Variants in KIRREL3 observed in about 807,000 individuals in gnomAD.
The protein encoded by KIRREL3 is kirre like nephrin family adhesion molecule 3.
A neutral mutation model predicts 89.7 loss-of-function variants in KIRREL3; 36 were observed. That is an observed-to-expected ratio of 0.40 (90% CI 0.31 to 0.53). The LOEUF (loss-of-function observed/expected upper bound fraction) is 0.53, where lower values mean the gene tolerates loss of function less well. KIRREL3 is among the 20% of genes least tolerant of loss of function. The probability of loss-of-function intolerance (pLI) is 0.49; values close to 1 mark genes in which losing one functional copy is unlikely to be tolerated. For missense variants in KIRREL3, 864 were observed against 1,056.6 expected (o/e 0.82, Z 2.53); for synonymous variants, 445 against 441.4 (o/e 1.01, Z -0.10).
Position 126,526,435 on chromosome 11 carries a change from G to A in KIRREL3, c.283+103C>T, listed in dbSNP as rs578236779. ...GAGTTGCAGTGAAAGCTAGAGATTC[G>A]ATACTCAGACACCTGTGAAGATGGG... On this transcript the variant is annotated intron_variant, in intron 3 of 16. Coordinates refer to ENST00000525144, the MANE Select transcript of KIRREL3 (RefSeq NM_032531.4). This position sits in a 1 kb window ranked among gnomAD's most constrained non-coding sequence, Gnocchi z 5.7. 5.2e-6 allele frequency: 6 copies of A among 1,153,002 alleles called. No homozygotes were observed. Among genetic ancestry groups the A allele is most frequent in the Non-Finnish European group, 7.4e-6 (6 of 814,396 alleles). 71.4% of individuals were successfully genotyped at this position (1,153,002 alleles called of 1,614,324 possible).
chr11:126,811,309 G>C lies in KIRREL3; in HGVS notation c.55+189146C>G, dbSNP rs765859945. On this transcript the variant is annotated intron_variant, in intron 1 of 16. Coordinates refer to ENST00000525144, the MANE Select transcript of KIRREL3 (RefSeq NM_032531.4). This position sits in a 1 kb window ranked among gnomAD's most constrained non-coding sequence, Gnocchi z 4.3. The stretch of plus-strand genomic sequence containing the variant: ...TCAGAGAGAACTTTGACCCAGAACC[G>C]AGTGACTGTTATGGAGCTACGAGGT... 6.6e-6 allele frequency among the ~76,000 whole-genome samples: 1 copy of C among 152,114 alleles called. No homozygotes were observed. The highest frequency in any genetic ancestry group is 1.5e-5 in the Non-Finnish European group (1 of 68,024).
chr11:126,585,811 T>C (rs1235302555), intron 1 of KIRREL3, among the ~76,000 whole-genome samples: 3 of 152,368 alleles, frequency 2.0e-5, no homozygotes, highest in Admixed American at 1.3e-4. Context: ...ACTCCATCAA[T>C]GTAAACGACC....
At chr11:126,654,230 A>G (rs1329644309) in intron 1 of KIRREL3, among the ~76,000 whole-genome samples, 1 of 152,186 alleles carries the variant, frequency 6.6e-6, no homozygotes, top group East Asian at 1.9e-4. Flanking sequence ...TTTTATTGCT[A>G]GAAGTTGCTA....
Position 126,555,762 on chromosome 11 carries a change from A to G in KIRREL3, c.133+7073T>C, listed in dbSNP as rs1464844145. 1.4e-5 allele frequency among the ~76,000 whole-genome samples: 2 copies of G among 145,418 alleles called. No individual in the cohort carries two copies. The highest frequency in any genetic ancestry group is 4.1e-4 in the East Asian group (2 of 4,920). ...TGTGAGCATTTTTTTTTTTTTTGAG[A>G]CGGAGTCTCCCTCTATCACTCAGGC... On this transcript the variant is annotated intron_variant, in intron 2 of 16. Transcript: ENST00000525144. The surrounding 1 kb of genome is among the most constrained non-coding windows in gnomAD (Gnocchi z 4.2).
At chr11:126,634,910 A>T (rs1461719528) in intron 1 of KIRREL3, among the ~76,000 whole-genome samples, 1 of 152,022 alleles carries the variant, frequency 6.6e-6, no homozygotes, top group Non-Finnish European at 1.5e-5. Flanking sequence ...TGCACTAGGG[A>T]AGTGTGGAGG....
At chr11:126,707,596 G>A (rs1345276127) in intron 1 of KIRREL3, among the ~76,000 whole-genome samples, 1 of 152,156 alleles carries the variant, frequency 6.6e-6, no homozygotes. Context: ...TTTCCAGTCT[G>A]CATTTCCTCT....
chr11:126,559,357 G>A (rs2134571901), intron 2 of KIRREL3, among the ~76,000 whole-genome samples: 1 of 152,300 alleles, frequency 6.6e-6, no homozygotes, highest in South Asian at 2.1e-4. Context: ...TGAAAGTTGA[G>A]CGACTACTCC....
chr11:126,716,037 G>A (rs1018176843), intron 1 of KIRREL3, among the ~76,000 whole-genome samples: 5 of 152,040 alleles, frequency 3.3e-5, no homozygotes, highest in African/African-American at 1.2e-4. Context: ...GGGAAAAGAG[G>A]CAGACAGGGA....
At chr11:126,735,417 C>T (rs907583530) in intron 1 of KIRREL3, among the ~76,000 whole-genome samples, 2 of 152,188 alleles carry the variant, frequency 1.3e-5, no homozygotes, top group Non-Finnish European at 2.9e-5. Flanking sequence ...CTTCCACCGG[C>T]CCCATTTCCC....
intron 4 of KIRREL3, 39 bp from the exon 5 acceptor site, chr11:126,473,505 CACCTCG>C: frequency 6.7e-7 from 1 of 1,493,466 alleles, no homozygotes; most frequent in Non-Finnish European, 9.0e-7. Flanking sequence ...CCGAGGCTCC[CACCTCG>C]GGCAGGACGG....
chr11:126,527,652 G>A lies in KIRREL3; in HGVS notation c.134-965C>T, dbSNP rs963338466. ...GCATGCCCTGACTCTAGTTATCACCGTGGCAACACTCGAATGGGGCATTGT... is the reference window on the plus strand; with the variant it reads ...GCATGCCCTGACTCTAGTTATCACCATGGCAACACTCGAATGGGGCATTGT... On this transcript the variant is annotated intron_variant, in intron 2 of 16. Transcript: ENST00000525144. This position sits in a 1 kb window ranked among gnomAD's most constrained non-coding sequence, Gnocchi z 4.2. 2.6e-5 allele frequency among the ~76,000 whole-genome samples: 4 copies of A among 152,166 alleles called. No homozygotes were observed. Among genetic ancestry groups the A allele is most frequent in the African/African-American group, 7.2e-5 (3 of 41,424 alleles).
At position 126,609,211 on chromosome 11, in the gene KIRREL3, G is replaced by A. The variant is rs1943019096; in HGVS notation, c.56-46299C>T. 6.6e-6 allele frequency among the ~76,000 whole-genome samples: 1 copy of A among 152,114 alleles called. No homozygotes were observed. On this transcript the variant is annotated intron_variant, in intron 1 of 16. Coordinates refer to ENST00000525144, the MANE Select transcript of KIRREL3 (RefSeq NM_032531.4). This position sits in a 1 kb window ranked among gnomAD's most constrained non-coding sequence, Gnocchi z 5.0. Reference sequence around the variant, plus strand: ...CAGGAAAGGGGTGCGGGGAAGGTTGGGTTCAGAAGGAGAGACTCTCCAGCC... The same window carrying A: ...CAGGAAAGGGGTGCGGGGAAGGTTGAGTTCAGAAGGAGAGACTCTCCAGCC...
chr11:126,822,793 G>T (rs1014783413), intron 1 of KIRREL3, among the ~76,000 whole-genome samples: 1 of 152,130 alleles, frequency 6.6e-6, no homozygotes, highest in African/African-American at 2.4e-5. Flanking sequence ...GGCCAGTGTT[G>T]TTCTCTCTCC....
chr11:126,642,826 C>A lies in KIRREL3; in HGVS notation c.56-79914G>T, dbSNP rs78692957. On this transcript the variant is annotated intron_variant, in intron 1 of 16. Transcript: ENST00000525144. The surrounding 1 kb of genome is among the most constrained non-coding windows in gnomAD (Gnocchi z 4.9). ...GATTTTGTATGTGCAAAATTCTGAA[C>A]TGTACATCCAGTTGAACAAAGTAAA... 6.6e-6 allele frequency among the ~76,000 whole-genome samples: 1 copy of A among 152,200 alleles called. No homozygotes were observed. The highest frequency in any genetic ancestry group is 1.5e-5 in the Non-Finnish European group (1 of 68,036).
Position 126,805,115 on chromosome 11 carries a change from A to G in KIRREL3, c.55+195340T>C, listed in dbSNP as rs868324443. Among the ~76,000 whole-genome samples the G allele has an allele frequency of 1.3e-5, 2 of 152,178 alleles. No individual in the cohort carries two copies. The highest frequency in any genetic ancestry group is 2.4e-5 in the African/African-American group (1 of 41,434). On this transcript the variant is annotated intron_variant, in intron 1 of 16. Transcript: ENST00000525144. The surrounding 1 kb of genome is among the most constrained non-coding windows in gnomAD (Gnocchi z 4.3). ...TTTCGTAGGTGTGTGGTAACCTGCAATGAAGGAGTTATATGTGTGTGCATG... is the reference window on the plus strand; with the variant it reads ...TTTCGTAGGTGTGTGGTAACCTGCAGTGAAGGAGTTATATGTGTGTGCATG...
chr11:126,625,294 T>A (rs1464669743), intron 1 of KIRREL3, among the ~76,000 whole-genome samples: 1 of 152,174 alleles, frequency 6.6e-6, no homozygotes, highest in Non-Finnish European at 1.5e-5. Flanking sequence ...CCTGGTCTAT[T>A]CTCAGTTACC....
At chr11:126,600,047 T>C (rs1164797222) in intron 1 of KIRREL3, among the ~76,000 whole-genome samples, 1 of 152,234 alleles carries the variant, frequency 6.6e-6, no homozygotes, top group Non-Finnish European at 1.5e-5. Context: ...AAGACTAGTT[T>C]GCGTGTTCTG....
At chr11:126,992,800 C>T (rs1950071504) in intron 1 of KIRREL3, among the ~76,000 whole-genome samples, 1 of 152,168 alleles carries the variant, frequency 6.6e-6, no homozygotes, top group Non-Finnish European at 1.5e-5. Context: ...CTCTAACTAG[C>T]CAAGGGGATC....
At chr11:126,910,721 A>G (rs1054070965) in intron 1 of KIRREL3, among the ~76,000 whole-genome samples, 18 of 152,344 alleles carry the variant, frequency 1.2e-4, no homozygotes, top group African/African-American at 4.3e-4. Flanking sequence ...TCAAACCCCA[A>G]CAAACTAACC....
Sources: gnomAD v4.1 joint callset for allele counts (sites outside exome capture counted in the v4.1 genomes callset) on GRCh38, gnomAD v4.1.1 for gene constraint, Gnocchi (gnomAD v3.1) non-coding constraint, MANE v1.5 for transcripts, NCBI Gene and HGNC (gene_info 2026-07-23, HGNC 2026-07-21) for gene names.